Variants in PDE7B observed in about 807,000 individuals in gnomAD.
The protein encoded by PDE7B is 3',5'-cyclic-AMP phosphodiesterase 7B.
Under a neutral mutation model 56.2 loss-of-function variants are expected in PDE7B, and 29 were observed. That is an observed-to-expected ratio of 0.52 (90% CI 0.38 to 0.70). The LOEUF (loss-of-function observed/expected upper bound fraction) is 0.70. PDE7B is among the 30% of genes least tolerant of loss of function. PDE7B has a pLI of 0.00. For synonymous variants in PDE7B, 197 were observed against 196.9 expected, an observed-to-expected ratio of 1.00 and a Z score of 0.00; for missense variants, 490 against 565.0, an observed-to-expected ratio of 0.87 and a Z score of 1.35.
rs138291075 is a variant in PDE7B at position 135,985,116 on chromosome 6, A to C, written c.82+37592A>C. Among the ~76,000 whole-genome samples the C allele has an allele frequency of 5.7e-3, 870 of 152,262 alleles. 7 individuals are homozygous for C. Among genetic ancestry groups the C allele is most frequent in the African/African-American group, 0.02 (821 of 41,550 alleles). On this transcript the variant is annotated intron_variant, in intron 2 of 12. Coordinates refer to ENST00000308191, the MANE Select transcript of PDE7B (RefSeq NM_018945.4). ...ACCCAGTCTGAGCACCAGACTTTAC[A>C]CTTTATGTTTGCATTTCTCTCTTTG...
intron 1 of PDE7B, among the ~76,000 whole-genome samples, chr6:135,862,592 A>T (rs566673256): frequency 3.9e-4 from 59 of 151,614 alleles, no homozygotes; most frequent in Middle Eastern, 3.4e-3. Context: ...AGTTTATATT[A>T]TTTTTTTTCC....
intron 3 of PDE7B, among the ~76,000 whole-genome samples, chr6:136,122,027 G>T (rs1338802834): frequency 1.3e-5 from 2 of 151,328 alleles, no homozygotes; most frequent in African/African-American, 4.9e-5. Flanking sequence ...ACGGAGTCTT[G>T]CTGTGTCACC....
intron 2 of PDE7B, among the ~76,000 whole-genome samples, chr6:136,101,225 C>CT (rs1047023059): frequency 6.6e-6 from 1 of 152,094 alleles, no homozygotes; most frequent in African/African-American, 2.4e-5. Flanking sequence ...CCAAAATTCT[C>CT]TTTTTTTGTT....
chr6:136,191,493 C>G, intron 12 of PDE7B, 121 bp from the exon 13 acceptor site: 1 of 807,796 alleles, frequency 1.2e-6, no homozygotes, highest in South Asian at 1.7e-5. Context: ...ATGGGGAAAC[C>G]CCATCTCTAC....
At position 136,038,247 on chromosome 6, in the gene PDE7B, G is replaced by GCAC. The variant is rs759173693; in HGVS notation, c.83-70471_83-70469dup. ...AGCAGCAACAGCAGCAGCAGCAGCA[G>GCAC]CACCACCACCACCACTACCTCCTCT... On this transcript the variant is annotated intron_variant, in intron 2 of 12. Transcript: ENST00000308191. The GCAC allele has an allele frequency of 3.6e-5, 47 of 1,299,774 alleles. 1 individual carries two copies. The East Asian group carries it at 4.8e-4, about 13-fold the overall frequency. 80.5% of individuals were successfully genotyped at this position (1,299,774 alleles called of 1,614,324 possible).
chr6:136,093,378 T>C (rs955713406), intron 2 of PDE7B, among the ~76,000 whole-genome samples: 1 of 152,250 alleles, frequency 6.6e-6, no homozygotes, highest in Admixed American at 6.5e-5. Flanking sequence ...TTCAAGAATA[T>C]ATGCTGCAAG....
intron 2 of PDE7B, among the ~76,000 whole-genome samples, chr6:135,964,020 A>G (rs1774950138): frequency 6.6e-6 from 1 of 152,084 alleles, no homozygotes; most frequent in African/African-American, 2.4e-5. Context: ...AGGCTCTATC[A>G]TCTAGTTCAT....
rs182615823 is a variant in PDE7B at position 136,176,487 on chromosome 6, A to G, written c.804-2510A>G. Among the ~76,000 whole-genome samples the G allele has an allele frequency of 7.7e-4, 117 of 152,206 alleles. 1 individual carries two copies. The highest frequency in any genetic ancestry group is 2.6e-3 in the African/African-American group (110 of 41,564). ...ACTATAGCTGTACATTGTACTTCAT[A>G]ATTGCACAATATGAATGTACCATGG... is the stretch of plus-strand genomic sequence containing the variant. On this transcript the variant is annotated intron_variant, in intron 9 of 12. Transcript: ENST00000308191.
chr6:136,047,913 A>G lies in PDE7B; in HGVS notation c.83-60818A>G, dbSNP rs60169747. ...CAAGGCAGAATGGCATATGCTTTAC[A>G]ATAAAGTGGAAATAATACTCTATGG... On this transcript the variant is annotated intron_variant, in intron 2 of 12. Coordinates refer to ENST00000308191, the MANE Select transcript of PDE7B (RefSeq NM_018945.4). Among the ~76,000 whole-genome samples, 492 of 152,334 alleles carry G rather than the reference A, an allele frequency of 3.2e-3. 1 individual carries two copies. The highest frequency in any genetic ancestry group is 0.011 in the African/African-American group (476 of 41,570).
intron 9 of PDE7B, among the ~76,000 whole-genome samples, chr6:136,174,114 C>T (rs1778938510): frequency 6.6e-6 from 1 of 152,124 alleles, no homozygotes; most frequent in South Asian, 2.1e-4. Flanking sequence ...CAATGACCTA[C>T]AGTCAGGAAA....
chr6:136,174,215 C>T (rs1040549742), intron 9 of PDE7B, among the ~76,000 whole-genome samples: 2 of 152,152 alleles, frequency 1.3e-5, no homozygotes, highest in Non-Finnish European at 2.9e-5. Context: ...CAAAATTGTC[C>T]TTCCATGTAG....
At chr6:135,920,710 C>G (rs771029007) in intron 1 of PDE7B, among the ~76,000 whole-genome samples, 1 of 152,188 alleles carries the variant, frequency 6.6e-6, no homozygotes, top group Non-Finnish European at 1.5e-5. Flanking sequence ...TAAGAATCAA[C>G]TTAGCCTGAG....
rs540299913 is a variant in PDE7B, at chr6:136,051,840, C to G, written c.83-56891C>G. Among the ~76,000 whole-genome samples, 3 of 152,198 alleles carry G rather than the reference C, an allele frequency of 2.0e-5. No homozygotes were observed. In the East Asian group the frequency reaches 5.8e-4, roughly 29 times the overall value. ...CGCTACCACCACCTCCATTGCCCAC[C>G]ACAACAATATACTTACGGGCTGGTT... On this transcript the variant is annotated intron_variant, in intron 2 of 12. Coordinates refer to ENST00000308191, the MANE Select transcript of PDE7B (RefSeq NM_018945.4).
chr6:135,920,237 A>G (rs1774047281), intron 1 of PDE7B, among the ~76,000 whole-genome samples: 1 of 152,166 alleles, frequency 6.6e-6, no homozygotes, highest in African/African-American at 2.4e-5. Flanking sequence ...AAATGTGCCT[A>G]TATCTGCTTC....
At chr6:136,048,109 C>CAGACAGATAGATAGATAGAT (rs747314841) in intron 2 of PDE7B, among the ~76,000 whole-genome samples, 9 of 132,082 alleles carry the variant, frequency 6.8e-5, no homozygotes, top group African/African-American at 2.4e-4. Context: ...GACAGACAGA[C>CAGACAGATAGATAGATAGAT]AGATAGATAG....
At chr6:135,895,742 G>C (rs779857371) in intron 1 of PDE7B, among the ~76,000 whole-genome samples, 48 of 152,148 alleles carry the variant, frequency 3.2e-4, no homozygotes, top group Non-Finnish European at 5.7e-4. Flanking sequence ...CTTCTGTTGT[G>C]TAGTACAGAC....
chr6:136,159,681 T>C (rs1778671110), intron 8 of PDE7B, among the ~76,000 whole-genome samples: 1 of 152,198 alleles, frequency 6.6e-6, no homozygotes, highest in Admixed American at 6.5e-5. Context: ...CCTTGTTTCA[T>C]GAGCAATTAA....
At chr6:135,864,885 G>A (rs145161002) in intron 1 of PDE7B, among the ~76,000 whole-genome samples, 1,647 of 151,540 alleles carry the variant, frequency 0.011, 15 homozygotes, top group African/African-American at 0.028. Context: ...TTGGTGTGCC[G>A]CACCCATTAA....
intron 6 of PDE7B, among the ~76,000 whole-genome samples, chr6:136,153,064 T>C (rs952037762): frequency 8.5e-5 from 13 of 152,200 alleles, no homozygotes. Flanking sequence ...ACAGAAATAT[T>C]TGAAACCAGC....
Sources: allele counts gnomAD v4.1 joint callset (sites outside exome capture counted in the v4.1 genomes callset), GRCh38; gene constraint gnomAD v4.1.1; transcripts MANE v1.5; gene names NCBI Gene and HGNC (gene_info 2026-07-23, HGNC 2026-07-21).